The following NDC1 variants were observed in gnomAD, a reference collection of about 807,000 sequenced individuals.
The protein encoded by NDC1 is nucleoporin NDC1.
Under a neutral mutation model 89.8 loss-of-function variants are expected in NDC1, and 24 were observed. That is an observed-to-expected ratio of 0.27 (90% CI 0.19 to 0.38). The LOEUF is 0.38. NDC1 is among the 10% of genes least tolerant of loss of function. NDC1 has a pLI of 1.00. For missense variants in NDC1, 728 were observed against 797.6 expected (o/e 0.91, Z 1.05); for synonymous variants, 296 against 284.8 (o/e 1.04, Z -0.39).
Position 53,767,941 on chromosome 1 carries a change from G to A in NDC1, c.*29C>T. ...TGTCCCATCTGTAGTTGTATCAGCA[G>A]TGTAATGAACACAGTTTATATTACT... On this transcript the variant is annotated 3_prime_UTR_variant, in exon 18 of 18. Transcript: ENST00000371429. 1 of 1,396,396 alleles carries A rather than the reference G, an allele frequency of 7.2e-7. No homozygotes were observed. The highest frequency in any genetic ancestry group is 1.0e-6 in the Non-Finnish European group (1 of 996,136). The allele number at this position is 1,396,396 out of a possible 1,614,324, so 86.5% of individuals were successfully genotyped here.
intron 11 of NDC1, among the ~76,000 whole-genome samples, chr1:53,799,701 C>G (rs963157397): frequency 6.6e-6 from 1 of 152,228 alleles, no homozygotes; most frequent in East Asian, 1.9e-4. Flanking sequence ...CAACAGCTTC[C>G]CCCTTCAGAG....
chr1:53,820,400 TG>T, intron 5 of NDC1, among the ~76,000 whole-genome samples: 1 of 145,776 alleles, frequency 6.9e-6, no homozygotes, highest in Non-Finnish European at 1.5e-5. Flanking sequence ...AATCGGGGAG[TG>T]GGGAGGGATA....
At chr1:53,812,237 G>A (rs1648332153) in intron 6 of NDC1, among the ~76,000 whole-genome samples, 1 of 152,132 alleles carries the variant, frequency 6.6e-6, no homozygotes, top group Non-Finnish European at 1.5e-5. Flanking sequence ...TAGTTCACCA[G>A]TAATGGATCC....
chr1:53,790,589 C>A (rs1285477455), intron 14 of NDC1, among the ~76,000 whole-genome samples: 1 of 151,346 alleles, frequency 6.6e-6, no homozygotes, highest in Non-Finnish European at 1.5e-5. Flanking sequence ...CGCCTGTAGT[C>A]CCAGCTACTT....
chr1:53,797,149 A>T lies in NDC1; in HGVS notation c.1223-5T>A, dbSNP rs1647741565. The T allele has an allele frequency of 6.2e-7, 1 of 1,613,328 alleles. No individual in the cohort carries two copies. Among genetic ancestry groups the T allele is most frequent in the Non-Finnish European group, 8.5e-7 (1 of 1,179,500 alleles). ...GTGTCTGAAAAGCAGTTTCTTCTGT[A>T]AAACAACAGATCCAGTGCTGAAGAG... On this transcript the variant is annotated splice_region_variant and splice_polypyrimidine_tract_variant and intron_variant, in intron 11 of 17. Transcript: ENST00000371429.
chr1:53,837,455 C>T (rs1378203191), intron 1 of NDC1, among the ~76,000 whole-genome samples: 2 of 152,146 alleles, frequency 1.3e-5, no homozygotes, highest in African/African-American at 4.8e-5. Context: ...TATCTATAAT[C>T]CCCGCTCCTC....
chr1:53,797,052 A>T lies in NDC1; in HGVS notation c.1315T>A (p.Ser439Thr). 6.2e-7 allele frequency: 1 copy of T among 1,614,140 alleles called. No homozygotes were observed. The highest frequency in any genetic ancestry group is 2.2e-5 in the East Asian group (1 of 44,882). Reference protein sequence around the residue: ...VKTSLFSSKLSTPDVVSPFGT... With the variant: ...VKTSLFSSKLTTPDVVSPFGT... The stretch of plus-strand genomic sequence containing the variant: ...AATGGGCTCACAACATCAGGTGTAG[A>T]TAATTTTGAAGAAAACAGTGATGTT... Residue 439 changes from serine to threonine, a missense_variant, in exon 12 of 18, where the codon TCT (serine) becomes ACT (threonine). Transcript: ENST00000371429.
At chr1:53,823,056 G>A (rs147366959) in intron 5 of NDC1, among the ~76,000 whole-genome samples, 73 of 152,162 alleles carry the variant, frequency 4.8e-4, no homozygotes, top group African/African-American at 1.5e-3. Context: ...TAGTCTTCTC[G>A]GGAGGCAAAC....
rs1213616894 is a variant in NDC1 at position 53,806,420 on chromosome 1, G to A, written c.984+5C>T. 1.3e-6 allele frequency: 2 copies of A among 1,517,000 alleles called. No homozygotes were observed. Among genetic ancestry groups the A allele is most frequent in the African/African-American group, 2.9e-5 (2 of 69,382 alleles). 94.0% of individuals were successfully genotyped at this position (1,517,000 alleles called of 1,614,324 possible). Reference sequence around the variant, plus strand: ...GTGTGAAGATATGCAACACAGTTTGGATACCTTTATGATGGGGGGAGGATT... The same window carrying A: ...GTGTGAAGATATGCAACACAGTTTGAATACCTTTATGATGGGGGGAGGATT... On this transcript the variant is annotated splice_donor_5th_base_variant and intron_variant, in intron 9 of 17. Coordinates refer to ENST00000371429, the MANE Select transcript of NDC1 (RefSeq NM_018087.5).
intron 16 of NDC1, among the ~76,000 whole-genome samples, chr1:53,785,955 C>T (rs1221791565): frequency 1.3e-5 from 2 of 151,948 alleles, no homozygotes; most frequent in African/African-American, 2.4e-5. Context: ...GACAAGGTCT[C>T]ACTCTGTGGT....
chr1:53,807,905 G>T (rs747557309), intron 7 of NDC1, 114 bp from the exon 8 acceptor site: 3 of 941,630 alleles, frequency 3.2e-6, no homozygotes, highest in Non-Finnish European at 4.8e-6. Flanking sequence ...AATGTTGACA[G>T]ACTCCTCTCC....
chr1:53,795,479 C>G (rs1259498803), intron 13 of NDC1, among the ~76,000 whole-genome samples: 1 of 152,136 alleles, frequency 6.6e-6, no homozygotes, highest in Non-Finnish European at 1.5e-5. Context: ...TTTCCCTCCC[C>G]TCACCTCTAT....
intron 6 of NDC1, among the ~76,000 whole-genome samples, chr1:53,810,347 C>A (rs941817719): frequency 2.0e-5 from 3 of 150,556 alleles, no homozygotes; most frequent in Admixed American, 6.6e-5. Flanking sequence ...ATGACCCCTG[C>A]GCAAGGATGA....
At chr1:53,789,035 A>T in intron 15 of NDC1, 98 bp downstream of exon 15, 1 of 766,740 alleles carries the variant, frequency 1.3e-6, no homozygotes, top group Non-Finnish European at 2.2e-6. Flanking sequence ...GTACATTCAA[A>T]GACTGAAATC....
chr1:53,829,854 G>T (rs1648992156), intron 3 of NDC1, among the ~76,000 whole-genome samples: 1 of 152,192 alleles, frequency 6.6e-6, no homozygotes, highest in African/African-American at 2.4e-5. Flanking sequence ...AGTCAATAGT[G>T]AGGAATTAAG....
chr1:53,830,732 C>T (rs2100694343), intron 3 of NDC1, among the ~76,000 whole-genome samples: 1 of 148,676 alleles, frequency 6.7e-6, no homozygotes, highest in East Asian at 2.1e-4. Flanking sequence ...TGTGGTGGTG[C>T]CTGCCTGTAA....
intron 2 of NDC1, among the ~76,000 whole-genome samples, chr1:53,833,241 C>A (rs1025343913): frequency 6.6e-6 from 1 of 152,060 alleles, no homozygotes; most frequent in African/African-American, 2.4e-5. Flanking sequence ...TGGCTCACTG[C>A]AATCCGCCTC....
At chr1:53,779,404 T>C (rs1409985065) in intron 16 of NDC1, among the ~76,000 whole-genome samples, 3 of 152,158 alleles carry the variant, frequency 2.0e-5, no homozygotes, top group Admixed American at 2.0e-4. Context: ...AAGGTATATG[T>C]TCCAATTAAT....
chr1:53,798,138 T>TTTATTATTA (rs71063883), intron 11 of NDC1, among the ~76,000 whole-genome samples: 13,277 of 132,840 alleles, frequency 0.1, 797 homozygotes, highest in South Asian at 0.16. Context: ...CCATCTTCTT[T>TTTATTATTA]TTATTATTAT....
Sources: gnomAD v4.1 joint callset for allele counts (sites outside exome capture counted in the v4.1 genomes callset) on GRCh38, gnomAD v4.1.1 for gene constraint, MANE v1.5 for transcripts, NCBI Gene and HGNC (gene_info 2026-07-23, HGNC 2026-07-21) for gene names.